CDH18: variants seen among roughly 807,000 people sequenced by gnomAD.
CDH18 encodes the protein cadherin 18, also known as cadherin-18.
In CDH18, 31 loss-of-function variants were observed where a neutral mutation model predicts 67.9. The ratio of observed to expected loss-of-function variants is 0.46; its 90% CI spans 0.34 to 0.62. CDH18 has a LOEUF of 0.62. CDH18 is among the 20% of genes least tolerant of loss of function. CDH18 has a pLI of 0.01. For missense variants in CDH18, 890 were observed against 975.5 expected, an observed-to-expected ratio of 0.91 and a Z score of 1.17; for synonymous variants, 362 against 347.2, an observed-to-expected ratio of 1.04 and a Z score of -0.48.
chr5:19,543,093 C>T (rs1580114373), intron 9 of CDH18, among the ~76,000 whole-genome samples: 1 of 151,912 alleles, frequency 6.6e-6, no homozygotes, highest in East Asian at 1.9e-4. Context: ...TATGTATAAC[C>T]TCTTCGTACA....
intron 3 of CDH18, among the ~76,000 whole-genome samples, chr5:19,833,470 A>G (rs1297439314): frequency 6.6e-6 from 1 of 152,116 alleles, no homozygotes; most frequent in Non-Finnish European, 1.5e-5. Flanking sequence ...CTGCAAACAG[A>G]GACAACTTCA....
At chr5:20,495,329 A>G (rs1240447074) in intron 1 of CDH18, among the ~76,000 whole-genome samples, 1 of 152,162 alleles carries the variant, frequency 6.6e-6, no homozygotes, top group Non-Finnish European at 1.5e-5. Flanking sequence ...TAATGTGTTC[A>G]CAAATCAACC....
chr5:19,685,706 CT>C (rs1276072169), intron 5 of CDH18, among the ~76,000 whole-genome samples: 1 of 152,184 alleles, frequency 6.6e-6, no homozygotes, highest in Non-Finnish European at 1.5e-5. Context: ...GTTACTCCAG[CT>C]CTCTCTTACA....
chr5:20,204,777 GT>G lies in CDH18; in HGVS notation c.-518+50666del, dbSNP rs982209617. 2.1e-4 allele frequency among the ~76,000 whole-genome samples: 31 copies of G among 150,404 alleles called. 1 individual carries two copies. The highest frequency in any genetic ancestry group is 5.1e-4 in the African/African-American group (21 of 41,054). ...GTATGGGGGAGCTGAAGTGTAAAGG[GT>G]TTTTTTTTCTTTCTTTTTGTTCTTC... On this transcript the variant is annotated intron_variant, in intron 2 of 14. Transcript: ENST00000507958.
chr5:19,620,437 T>C (rs963098068), intron 5 of CDH18, among the ~76,000 whole-genome samples: 1 of 152,166 alleles, frequency 6.6e-6, no homozygotes, highest in African/African-American at 2.4e-5. Context: ...AAAATCTTCA[T>C]GCCACAGTGG....
intron 1 of CDH18, among the ~76,000 whole-genome samples, chr5:20,358,343 C>A (rs941071711): frequency 2.0e-5 from 3 of 152,040 alleles, no homozygotes; most frequent in African/African-American, 7.2e-5. Context: ...TAAAATTGGT[C>A]AATGAGACCT....
Position 19,626,368 on chromosome 5 carries a change from A to G in CDH18, c.644-13767T>C, listed in dbSNP as rs151174251. On this transcript the variant is annotated intron_variant, in intron 5 of 12. Transcript: ENST00000382275. ...AAAAACAGATGTGCGAAAGAACACAACGCCAGAGAAAACATGGAGATGGAG... is the reference window on the plus strand; with the variant it reads ...AAAAACAGATGTGCGAAAGAACACAGCGCCAGAGAAAACATGGAGATGGAG... Among the ~76,000 whole-genome samples, 14 of 152,310 alleles carry G rather than the reference A, an allele frequency of 9.2e-5. No individual in the cohort carries two copies. In the East Asian group the frequency reaches 2.5e-3, roughly 27 times the overall value.
chr5:20,122,624 T>C lies in CDH18; in HGVS notation c.-517-130610A>G, dbSNP rs150458251. ...AAATGCCTCAACTTATTATAAGTTT[T>C]ACTCAACTTATTCCCATTAAAGATT... On this transcript the variant is annotated intron_variant, in intron 2 of 14. Coordinates refer to the CDH18 transcript ENST00000507958. Among the ~76,000 whole-genome samples, 566 of 151,952 alleles carry C rather than the reference T, an allele frequency of 3.7e-3. 2 individuals carry two copies. The highest frequency in any genetic ancestry group is 7.0e-3 in the Admixed American group (106 of 15,238).
intron 5 of CDH18, among the ~76,000 whole-genome samples, chr5:19,658,211 T>C (rs1402432): frequency 0.56 from 85,311 of 151,870 alleles, 27,118 homozygotes; most frequent in East Asian, 0.74. Context: ...ATCCTTTTTA[T>C]ATGTAACATA....
chr5:20,089,970 T>A (rs546412800), intron 2 of CDH18, among the ~76,000 whole-genome samples: 2 of 152,298 alleles, frequency 1.3e-5, no homozygotes, highest in East Asian at 3.9e-4. Context: ...AGCTTTTTTA[T>A]CTGGTGATTA....
intron 2 of CDH18, among the ~76,000 whole-genome samples, chr5:20,197,200 T>A (rs1295448738): frequency 6.6e-6 from 1 of 152,026 alleles, no homozygotes; most frequent in Non-Finnish European, 1.5e-5. Context: ...TTAGTAGAGA[T>A]GGGGTTTCAC....
At chr5:20,043,043 C>T (rs2150476148) in intron 2 of CDH18, among the ~76,000 whole-genome samples, 1 of 152,174 alleles carries the variant, frequency 6.6e-6, no homozygotes, top group East Asian at 1.9e-4. Flanking sequence ...AACCTCAGCA[C>T]TGGTGACATT....
intron 3 of CDH18, among the ~76,000 whole-genome samples, chr5:19,822,724 G>T (rs566097549): frequency 2.0e-5 from 3 of 152,292 alleles, no homozygotes; most frequent in African/African-American, 4.8e-5. Context: ...GAGATCACAG[G>T]ACCACAGGAC....
intron 2 of CDH18, among the ~76,000 whole-genome samples, chr5:20,215,999 A>C (rs571744523): frequency 6.6e-6 from 1 of 152,142 alleles, no homozygotes; most frequent in Admixed American, 6.6e-5. Flanking sequence ...GAGAAGGGAG[A>C]GGATAAAGAA....
At chr5:20,055,073 T>G (rs548180987) in intron 2 of CDH18, among the ~76,000 whole-genome samples, 1 of 151,658 alleles carries the variant, frequency 6.6e-6, no homozygotes, top group African/African-American at 2.4e-5. Context: ...CAGTAAGTAG[T>G]CATTTTTTTT....
intron 5 of CDH18, among the ~76,000 whole-genome samples, chr5:19,708,584 G>T (rs1026400276): frequency 2.6e-5 from 4 of 152,164 alleles, no homozygotes; most frequent in Non-Finnish European, 5.9e-5. Flanking sequence ...AAGATTGTTG[G>T]TTTACCAGAA....
At chr5:19,479,806 A>G (rs1446531594) in intron 12 of CDH18, among the ~76,000 whole-genome samples, 1 of 152,160 alleles carries the variant, frequency 6.6e-6, no homozygotes, top group Non-Finnish European at 1.5e-5. Context: ...ATATGCTTTT[A>G]CAGCATATTT....
intron 2 of CDH18, among the ~76,000 whole-genome samples, chr5:19,997,612 T>G (rs2150396223): frequency 6.6e-6 from 1 of 152,210 alleles, no homozygotes; most frequent in Non-Finnish European, 1.5e-5. Flanking sequence ...CGAGGTAAAC[T>G]CTAAAGTCTT....
At chr5:20,575,015 A>G (rs2126681046) in intron 1 of CDH18, among the ~76,000 whole-genome samples, 1 of 152,258 alleles carries the variant, frequency 6.6e-6, no homozygotes, top group South Asian at 2.1e-4. Flanking sequence ...ACTGAAAAGC[A>G]TATGATAGCA....
Sources: allele counts gnomAD v4.1 joint callset (sites outside exome capture counted in the v4.1 genomes callset), GRCh38; gene constraint gnomAD v4.1.1; transcripts MANE v1.5; gene names NCBI Gene and HGNC (gene_info 2026-07-23, HGNC 2026-07-21).